Variants in CEACAM19 observed in about 807,000 individuals in gnomAD.
CEACAM19 encodes CEA cell adhesion molecule 19, also known as cell adhesion molecule CEACAM19.
A neutral mutation model predicts 37.6 loss-of-function variants in CEACAM19; 37 were observed. The observed-to-expected ratio is 0.98, with a 90% confidence interval of 0.76 to 1.29. The LOEUF is 1.29. Among genes scored for constraint, CEACAM19 ranks in the 50% most tolerant of loss-of-function variants. CEACAM19 has a pLI of 0.00. For missense variants in CEACAM19, 340 were observed against 375.6 expected (o/e 0.91, Z 0.78); for synonymous variants, 140 against 149.8 (o/e 0.93, Z 0.48).
upstream of CEACAM19, among the ~76,000 whole-genome samples, chr19:44,668,504 T>G (rs1265795465): frequency 3.7e-5 from 2 of 54,630 alleles, no homozygotes; most frequent in Non-Finnish European, 6.4e-5. Flanking sequence ...TTATATATAT[T>G]ATATATTAGT....
At chr19:44,672,095 GAAT>G in intron 1 of CEACAM19, 109 bp downstream of exon 1, 1 of 890,918 alleles carries the variant, frequency 1.1e-6, no homozygotes, top group Non-Finnish European at 1.8e-6. Context: ...GATGAAATTA[GAAT>G]AAGATGGGGG....
At chr19:44,677,581 A>G (rs1446056835) in intron 3 of CEACAM19, 1 of 152,210 alleles carries the variant, frequency 6.6e-6, no homozygotes, top group African/African-American at 2.4e-5. Context: ...AACTGATTGT[A>G]GATAAGATGT....
chr19:44,683,483 C>A lies in CEACAM19; in HGVS notation c.893C>A (p.Thr298Asn). ...DPAPYCQLVPTS is the reference protein window; with the variant it reads ...DPAPYCQLVPNS Reference sequence around the variant, plus strand: ...GCCCCCTACTGCCAGCTGGTGCCAACTTCCTGATGGGTCCTGGGCCAGGCC... The same window carrying A: ...GCCCCCTACTGCCAGCTGGTGCCAAATTCCTGATGGGTCCTGGGCCAGGCC... Residue 298 changes from threonine (T) to asparagine (N), a missense_variant, in exon 8 of 8, where the codon ACT becomes AAT. By Grantham distance (65) the Thr-to-Asn change is moderately conservative (BLOSUM62 0). Transcript: ENST00000358777. 6.4e-7 allele frequency: 1 copy of A among 1,562,466 alleles called. No individual in the cohort carries two copies. The highest frequency in any genetic ancestry group is 8.7e-7 in the Non-Finnish European group (1 of 1,151,518).
rs894817525 is a variant in CEACAM19, at chr19:44,671,538, T to C, written c.-394T>C. The C allele has an allele frequency of 7.4e-6, 3 of 404,142 alleles. No homozygotes were observed. In the East Asian group the frequency reaches 1.0e-4, roughly 14 times the overall value. The allele number at this position is 404,142 out of a possible 1,614,324, so 25.0% of individuals were successfully genotyped here. ...TCTGTGCAATGGGAACAGTTATTTA[T>C]GGTGGCTGCTGAATGAGGCAGTGTG... On this transcript the variant is annotated 5_prime_UTR_variant, in exon 1 of 8. It removes an upstream start codon present in the reference 5' UTR. Transcript: ENST00000358777.
At chr19:44,672,451 G>A (rs1338912794) in intron 1 of CEACAM19, 145 bp from the exon 2 acceptor site, 19 of 896,850 alleles carry the variant, frequency 2.1e-5, no homozygotes, top group African/African-American at 5.1e-5. Context: ...ACCCAGGGCA[G>A]ACATCACTAA....
Position 44,680,321 on chromosome 19 carries a change from T to A in CEACAM19, c.693T>A (p.Pro231=). ...MATTEKPELG[P]AHDAGDNNIY... is the part of the protein sequence containing the mutation. ...CCACAGAGAAGCCAGAATTGGGCCC[T>A]GCTCATGATGCTGGTAAGGCGGGAG... Residue 231 remains proline (P), a synonymous_variant, in exon 5 of 8, where the codon CCT becomes CCA. Coordinates refer to ENST00000358777, the MANE Select transcript of CEACAM19 (RefSeq NM_001127893.3). 6.2e-7 allele frequency: 1 copy of A among 1,607,414 alleles called. No individual in the cohort carries two copies. The highest frequency in any genetic ancestry group is 8.5e-7 in the Non-Finnish European group (1 of 1,178,176).
chr19:44,671,992 G>C lies in CEACAM19; in HGVS notation c.55+6G>C. ...AAAGAGCCTCCTGCTCTCAGGTAAGGAGGAAATAGACCCTAAAGGCCAAGG... is the reference window on the plus strand; with the variant it reads ...AAAGAGCCTCCTGCTCTCAGGTAAGCAGGAAATAGACCCTAAAGGCCAAGG... On this transcript the variant is annotated splice_donor_region_variant and intron_variant, in intron 1 of 7. Transcript: ENST00000358777. 1 of 1,600,896 alleles carries C rather than the reference G, an allele frequency of 6.2e-7. No homozygotes were observed. Among genetic ancestry groups the C allele is most frequent in the South Asian group, 1.1e-5 (1 of 89,004 alleles).
intron 2 of CEACAM19, among the ~76,000 whole-genome samples, 187 bp downstream of exon 2, chr19:44,673,151 A>T (rs1337280434): frequency 6.6e-6 from 1 of 152,234 alleles, no homozygotes; most frequent in Non-Finnish European, 1.5e-5. Flanking sequence ...AACTAATAAA[A>T]TATCTATGAA....
intron 6 of CEACAM19, 60 bp from the exon 7 acceptor site, chr19:44,682,507 G>T: frequency 1.3e-6 from 2 of 1,518,470 alleles, no homozygotes; most frequent in Non-Finnish European, 9.0e-7. Context: ...AGCACCAAAG[G>T]TCAAAGTTTA....
chr19:44,681,453 T>A (rs1974058291), intron 6 of CEACAM19, 141 bp downstream of exon 6: 1 of 578,822 alleles, frequency 1.7e-6, no homozygotes, highest in Non-Finnish European at 3.1e-6. Flanking sequence ...TTTTTAAAAA[T>A]CCTAAGGAAA....
At chr19:44,681,442 G>A in intron 6 of CEACAM19, 130 bp downstream of exon 6, 1 of 584,946 alleles carries the variant, frequency 1.7e-6, no homozygotes, top group Non-Finnish European at 3.0e-6. Flanking sequence ...ATTGTTCCCT[G>A]TTTTTAAAAA....
At chr19:44,678,695 GC>G in intron 3 of CEACAM19, 157 bp from the exon 4 acceptor site, 1 of 1,025,468 alleles carries the variant, frequency 9.8e-7, no homozygotes, top group Non-Finnish European at 1.4e-6. Context: ...ACAGGCATGA[GC>G]CACTGAGCCC....
rs1775881837 is a variant in CEACAM19 at position 44,671,730 on chromosome 19, T to C, written c.-202T>C. ...CTGAAAAACTGGTTCAACCTCTGTC[T>C]GTGCTCCCATCCCAGGGAGTATAGG... On this transcript the variant is annotated 5_prime_UTR_variant, in exon 1 of 8. Transcript: ENST00000358777. The C allele has an allele frequency of 9.4e-6, 5 of 534,010 alleles. No homozygotes were observed. The South Asian group carries it at 1.5e-4, about 16-fold the overall frequency. The allele number at this position is 534,010 out of a possible 1,614,324, so 33.1% of individuals were successfully genotyped here. A position where few individuals can be genotyped will look rare whatever the true frequency, so the allele number is the denominator to read the frequency against.
chr19:44,669,878 GC>G (rs1335874989), upstream of CEACAM19, among the ~76,000 whole-genome samples: 1 of 151,896 alleles, frequency 6.6e-6, no homozygotes, highest in Non-Finnish European at 1.5e-5. Context: ...AGAGGGGTCT[GC>G]CCCCCCAAAC....
chr19:44,683,891 A>C lies in CEACAM19; in HGVS notation c.*401A>C. ...TGTCTGTCCTCAATGCCCTACCCCAACTCCACTAGTGACCCTCAGAGTCTT... is the reference window on the plus strand; with the variant it reads ...TGTCTGTCCTCAATGCCCTACCCCACCTCCACTAGTGACCCTCAGAGTCTT... On this transcript the variant is annotated 3_prime_UTR_variant, in exon 8 of 8. Coordinates refer to ENST00000358777, the MANE Select transcript of CEACAM19 (RefSeq NM_001127893.3). 1 of 173,278 alleles carries C rather than the reference A, an allele frequency of 5.8e-6. No homozygotes were observed. Among genetic ancestry groups the C allele is most frequent in the Non-Finnish European group, 1.2e-5 (1 of 82,236 alleles). The allele number at this position is 173,278 out of a possible 1,614,324, so 10.7% of individuals were successfully genotyped here.
chr19:44,666,697 C>T (rs901279520), upstream of CEACAM19, among the ~76,000 whole-genome samples: 3 of 151,908 alleles, frequency 2.0e-5, no homozygotes, highest in African/African-American at 4.8e-5. Context: ...TCTGACCCCA[C>T]GAACCCAGCA....
At chr19:44,676,079 ATGT>A (rs1251254687) in intron 2 of CEACAM19, among the ~76,000 whole-genome samples, 189 bp from the exon 3 acceptor site, 1 of 151,966 alleles carries the variant, frequency 6.6e-6, no homozygotes, top group Non-Finnish European at 1.5e-5. Flanking sequence ...CCGCTGGGAC[ATGT>A]TGGATTTTAT....
At position 44,682,614 on chromosome 19, in the gene CEACAM19, G is replaced by C; in HGVS notation, c.840G>C (p.Gln280His). The change falls in exon 7 of 8, where the codon CAG becomes CAC. Residue 280 changes from glutamine to histidine, a missense_variant. Gln to His is a conservative substitution (Grantham distance 24). Coordinates refer to ENST00000358777, the MANE Select transcript of CEACAM19 (RefSeq NM_001127893.3). ...TGCAGGCGGAGCCAGAGAACCACCAGTACCAGGTATGGAGCTGGGAGCTGG... is the reference window on the plus strand; with the variant it reads ...TGCAGGCGGAGCCAGAGAACCACCACTACCAGGTATGGAGCTGGGAGCTGG... ...PHLQAEPENHQYQDLLNPDPA... is the reference protein window; with the variant it reads ...PHLQAEPENHHYQDLLNPDPA... 5.0e-6 allele frequency: 8 copies of C among 1,603,906 alleles called. No homozygotes were observed. Among genetic ancestry groups the C allele is most frequent in the Non-Finnish European group, 6.8e-6 (8 of 1,175,460 alleles).
intron 2 of CEACAM19, among the ~76,000 whole-genome samples, chr19:44,674,385 G>C (rs1376664457): frequency 6.6e-6 from 1 of 151,812 alleles, no homozygotes; most frequent in Non-Finnish European, 1.5e-5. Flanking sequence ...GCTCAGGCTG[G>C]TCTCAAACTC....
Sources: gnomAD v4.1 joint callset for allele counts (sites outside exome capture counted in the v4.1 genomes callset) on GRCh38, gnomAD v4.1.1 for gene constraint, MANE v1.5 for transcripts, NCBI Gene and HGNC (gene_info 2026-07-23, HGNC 2026-07-21) for gene names.